Variants in DCAKD observed in about 807,000 individuals in gnomAD.
The protein encoded by DCAKD is dephospho-CoA kinase domain containing.
Under a neutral mutation model 18.7 loss-of-function variants are expected in DCAKD, and 15 were observed. The observed-to-expected ratio is 0.80, with a 90% CI of 0.54 to 1.24. The LOEUF (loss-of-function observed/expected upper bound fraction) is 1.24, where lower values mean the gene tolerates loss of function less well. Ranked by LOEUF, DCAKD falls within the 50% of genes most tolerant of loss-of-function variation. The pLI, the probability that DCAKD is intolerant of heterozygous loss-of-function variation, is 0.00. For synonymous variants in DCAKD, 130 were observed against 133.0 expected (o/e 0.98, Z 0.16); for missense variants, 301 against 322.0 (o/e 0.93, Z 0.50).
intron 1 of DCAKD, among the ~76,000 whole-genome samples, chr17:45,042,916 T>G (rs1383085248): frequency 6.6e-6 from 1 of 152,194 alleles, no homozygotes; most frequent in Non-Finnish European, 1.5e-5. Context: ...CAGGTCTCTC[T>G]TCTCTACTTG....
Position 45,060,516 on chromosome 17 carries a change from G to C in DCAKD, c.-118+372C>G, listed in dbSNP as rs536415447. On this transcript the variant is annotated intron_variant, in intron 1 of 4. Transcript: ENST00000310604. ...ACAGAAGGCGGCCGTATTTAAAAAA[G>C]AAAAAAGAAAGAAAGAAAGAAAAGA... Among the ~76,000 whole-genome samples the C allele has an allele frequency of 1.9e-4, 28 of 151,248 alleles. No homozygotes were observed. In the East Asian group the frequency reaches 4.7e-3, roughly 25 times the overall value.
chr17:45,052,748 A>G (rs916315148), upstream of DCAKD, among the ~76,000 whole-genome samples: 4 of 151,910 alleles, frequency 2.6e-5, no homozygotes, highest in African/African-American at 9.7e-5. Flanking sequence ...GTGTGGTCTC[A>G]TTTACTCGGG....
Position 45,024,129 on chromosome 17 carries a change from C to G in DCAKD, c.*304G>C, listed in dbSNP as rs1286080305. 4 of 358,236 alleles carry G rather than the reference C, an allele frequency of 1.1e-5. No homozygotes were observed. Among genetic ancestry groups the G allele is most frequent in the Non-Finnish European group, 2.1e-5 (4 of 191,600 alleles). 22.2% of individuals were successfully genotyped at this position (358,236 alleles called of 1,614,324 possible). A position where few individuals can be genotyped will look rare whatever the true frequency, so the allele number is the denominator to read the frequency against. ...CCCACCCACAGAAATGTATAGCAGT[C>G]TCTGACTGTTGCTTTCACACACCAT... On this transcript the variant is annotated 3_prime_UTR_variant, in exon 5 of 5. Coordinates refer to ENST00000651974, the MANE Select transcript of DCAKD (RefSeq NM_001288655.2).
intron 1 of DCAKD, among the ~76,000 whole-genome samples, chr17:45,036,448 G>A (rs1258066068): frequency 1.3e-5 from 2 of 152,124 alleles, no homozygotes; most frequent in East Asian, 1.9e-4. Context: ...CCCAGGAGGC[G>A]GAGGTTGCAG....
chr17:45,056,934 A>C (rs2053786984), intron 1 of DCAKD, among the ~76,000 whole-genome samples: 1 of 151,500 alleles, frequency 6.6e-6, no homozygotes, highest in Admixed American at 6.6e-5. Flanking sequence ...CGTCTGGCTA[A>C]TTTTTTGTAT....
intron 3 of DCAKD, chr17:45,033,979 A>G: frequency 6.3e-7 from 1 of 1,587,442 alleles, no homozygotes. Flanking sequence ...TCTTCTCATT[A>G]AACTGTCAGC....
rs111552821 is a variant in DCAKD at position 45,045,403 on chromosome 17, G to A, written c.-115+5958C>T. On this transcript the variant is annotated intron_variant, in intron 1 of 4. Coordinates refer to ENST00000651974, the MANE Select transcript of DCAKD (RefSeq NM_001288655.2). ...AAATCTGGGTACTGCTGTATCCAAG[G>A]TGCCAAAAACAGGGCCTGACAAATA... 1.7e-3 allele frequency among the ~76,000 whole-genome samples: 254 copies of A among 152,174 alleles called. 1 individual carries two copies. The highest frequency in any genetic ancestry group is 5.8e-3 in the African/African-American group (240 of 41,508).
chr17:45,045,005 G>A (rs1361535408), intron 1 of DCAKD, among the ~76,000 whole-genome samples: 2 of 152,186 alleles, frequency 1.3e-5, no homozygotes, highest in African/African-American at 2.4e-5. Context: ...ATTTGGCTCA[G>A]GGCCAGGGCC....
chr17:45,055,096 T>A (rs2053766806), upstream of DCAKD, among the ~76,000 whole-genome samples: 1 of 152,148 alleles, frequency 6.6e-6, no homozygotes, highest in East Asian at 1.9e-4. Context: ...CTTTGGAGTT[T>A]CCATGTGATG....
chr17:45,057,206 G>A lies in DCAKD; in HGVS notation c.-118+3682C>T, dbSNP rs532798054. Among the ~76,000 whole-genome samples, 5 of 152,092 alleles carry A rather than the reference G, an allele frequency of 3.3e-5. No individual in the cohort carries two copies. The South Asian group carries it at 8.3e-4, about 25-fold the overall frequency. On this transcript the variant is annotated intron_variant, in intron 1 of 4. Coordinates refer to the DCAKD transcript ENST00000310604. ...CCATAGGTGCATGCCACAATGCCACGCTAATTTTTGTATTTTTTTTAGAGA... is the reference window on the plus strand; with the variant it reads ...CCATAGGTGCATGCCACAATGCCACACTAATTTTTGTATTTTTTTTAGAGA...
At chr17:45,034,752 C>T (rs188081348) in intron 2 of DCAKD, 22 bp downstream of exon 2, 7 of 1,612,538 alleles carry the variant, frequency 4.3e-6, no homozygotes, top group Non-Finnish European at 5.9e-6. Context: ...GCACGGCCCC[C>T]CAACCTGCCC....
chr17:45,030,202 C>T (rs1476486525), intron 3 of DCAKD, 23 bp from the exon 4 acceptor site: 1 of 1,608,610 alleles, frequency 6.2e-7, no homozygotes, highest in Non-Finnish European at 8.5e-7. Flanking sequence ...TGGAAATCCC[C>T]CAAGTTCAAT....
At chr17:45,035,481 A>AT (rs1567837311) in intron 1 of DCAKD, among the ~76,000 whole-genome samples, 3 of 23,594 alleles carry the variant, frequency 1.3e-4, no homozygotes, top group Non-Finnish European at 3.7e-4. Context: ...GATTCCTTCT[A>AT]AAAAAAAAAA....
chr17:45,030,497 C>T (rs1433615812), intron 3 of DCAKD, among the ~76,000 whole-genome samples: 2 of 152,208 alleles, frequency 1.3e-5, no homozygotes, highest in African/African-American at 2.4e-5. Context: ...CACCACAGCA[C>T]AGGGAGAGGG....
intron 1 of DCAKD, among the ~76,000 whole-genome samples, chr17:45,040,058 G>A (rs911872865): frequency 6.6e-6 from 1 of 150,866 alleles, no homozygotes; most frequent in African/African-American, 2.4e-5. Flanking sequence ...ATGCCACTCT[G>A]GACTCCAGCT....
chr17:45,025,876 T>A (rs1269213192), intron 4 of DCAKD, among the ~76,000 whole-genome samples: 8 of 149,296 alleles, frequency 5.4e-5, no homozygotes. Flanking sequence ...CTCAGCCTCC[T>A]GAGTAGCTGG....
chr17:45,056,924 C>T (rs146491270), intron 1 of DCAKD, among the ~76,000 whole-genome samples: 6,932 of 152,050 alleles, frequency 0.046, 513 homozygotes, highest in African/African-American at 0.16. Context: ...CCCGCCACCA[C>T]GTCTGGCTAA....
Position 45,034,292 on chromosome 17 carries a change from C to A in DCAKD, c.211G>T (p.Asp71Tyr). ...CGGTCAGGCTGGTTAAAGATCAGGT[C>A]CCCCAGGACCTTGCGATTTATGTCG... Reference protein sequence around the residue: ...NGDINRKVLGDLIFNQPDRRQ... With the variant: ...NGDINRKVLGYLIFNQPDRRQ... Residue 71 changes from aspartate (D) to tyrosine (Y), a missense_variant, in exon 3 of 5, where the codon GAC (aspartate) becomes TAC (tyrosine). Transcript: ENST00000651974. The A allele has an allele frequency of 6.2e-7, 1 of 1,614,198 alleles. No individual in the cohort carries two copies.
chr17:45,028,078 G>A (rs1037446940), intron 4 of DCAKD, among the ~76,000 whole-genome samples: 3 of 150,932 alleles, frequency 2.0e-5, no homozygotes, highest in Non-Finnish European at 2.9e-5. Context: ...TGCAGGTGTC[G>A]GCCCCTGCTG....
Sources: gnomAD v4.1 joint callset for allele counts (sites outside exome capture counted in the v4.1 genomes callset) on GRCh38, gnomAD v4.1.1 for gene constraint, MANE v1.5 for transcripts, NCBI Gene and HGNC (gene_info 2026-07-23, HGNC 2026-07-21) for gene names.